The following SCAPER variants were observed in gnomAD, a reference collection of about 807,000 sequenced individuals.
SCAPER encodes S-phase cyclin A associated protein in the ER, also known as S phase cyclin A-associated protein in the endoplasmic reticulum.
In SCAPER, 98 loss-of-function variants were observed where a neutral mutation model predicts 182.2. The ratio of observed to expected loss-of-function variants is 0.54; its 90% CI spans 0.46 to 0.64. The LOEUF is 0.64. SCAPER is among the 30% of genes least tolerant of loss of function. The pLI is 0.00. For missense variants in SCAPER, 1,432 were observed against 1,690.0 expected, an observed-to-expected ratio of 0.85 and a Z score of 2.68; for synonymous variants, 605 against 564.6, an observed-to-expected ratio of 1.07 and a Z score of -1.01.
Position 76,764,837 on chromosome 15 carries a change from T to G in SCAPER, c.1725+124A>C, listed in dbSNP as rs187595136. The G allele has an allele frequency of 1.1e-4, 67 of 604,320 alleles. 1 individual carries two copies. The East Asian group carries it at 1.9e-3, about 17-fold the overall frequency. The allele number at this position is 604,320 out of a possible 1,614,324, so 37.4% of individuals were successfully genotyped here. On this transcript the variant is annotated intron_variant, in intron 14 of 31. Coordinates refer to ENST00000563290, the MANE Select transcript of SCAPER (RefSeq NM_020843.4). ...TCTTGGATTCAATAGATTAAAATGC[T>G]TTTATTTCCTAGCAAATCTAATTAT...
intron 1 of SCAPER, among the ~76,000 whole-genome samples, chr15:76,886,339 G>A (rs984750019): frequency 6.6e-6 from 1 of 152,110 alleles, no homozygotes; most frequent in African/African-American, 2.4e-5. Context: ...AATTAGCTGG[G>A]TGTGGTGGTG....
At chr15:76,554,788 CT>C (rs71143339) in intron 23 of SCAPER, among the ~76,000 whole-genome samples, 1,354 of 71,084 alleles carry the variant, frequency 0.019, 14 homozygotes, top group African/African-American at 0.038. Flanking sequence ...ATTCAGCATT[CT>C]TTTTTTTTTT....
intron 2 of SCAPER, among the ~76,000 whole-genome samples, chr15:76,874,533 T>C (rs1433314600): frequency 6.6e-6 from 1 of 151,292 alleles, no homozygotes; most frequent in Non-Finnish European, 1.5e-5. Flanking sequence ...GAAATGTATA[T>C]ATTCCTTGGC....
intron 8 of SCAPER, among the ~76,000 whole-genome samples, chr15:76,784,589 G>A (rs548826791): frequency 3.3e-5 from 5 of 152,246 alleles, no homozygotes; most frequent in Middle Eastern, 3.4e-3. Context: ...ACAATCCTAC[G>A]CAAAAAGAAC....
chr15:76,895,108 G>T (rs1250615076), intron 1 of SCAPER, among the ~76,000 whole-genome samples: 1 of 152,156 alleles, frequency 6.6e-6, no homozygotes. Context: ...TATCCCTGAT[G>T]AATATAGATT....
intron 4 of SCAPER, among the ~76,000 whole-genome samples, chr15:76,856,073 T>C (rs1599129068): frequency 6.6e-6 from 1 of 152,164 alleles, no homozygotes; most frequent in South Asian, 2.1e-4. Flanking sequence ...ATATATATGA[T>C]GGAATACTAT....
In SCAPER at chr15:76,883,879, A is replaced by G. The variant is rs2073708550; in HGVS notation, c.-59-3T>C. Reference sequence around the variant, plus strand: ...CATAAACCCATGGAGTATGACTCCTACAATAAAAAATATATATACGCTTAG... The same window carrying G: ...CATAAACCCATGGAGTATGACTCCTGCAATAAAAAATATATATACGCTTAG... On this transcript the variant is annotated splice_region_variant and splice_polypyrimidine_tract_variant and intron_variant, in intron 1 of 31. Coordinates refer to ENST00000563290, the MANE Select transcript of SCAPER (RefSeq NM_020843.4). The G allele has an allele frequency of 8.0e-7, 1 of 1,249,758 alleles. No homozygotes were observed. The highest frequency in any genetic ancestry group is 1.1e-6 in the Non-Finnish European group (1 of 898,320). The allele number at this position is 1,249,758 out of a possible 1,614,324, so 77.4% of individuals were successfully genotyped here. A position where few individuals can be genotyped will look rare whatever the true frequency, so the allele number is the denominator to read the frequency against.
intron 26 of SCAPER, among the ~76,000 whole-genome samples, chr15:76,433,299 A>C (rs2046983625): frequency 6.6e-6 from 1 of 152,142 alleles, no homozygotes; most frequent in Non-Finnish European, 1.5e-5. Flanking sequence ...TTTGTGGTCA[A>C]GAGTTTGAGA....
At chr15:76,516,809 A>T (rs768452702) in intron 23 of SCAPER, among the ~76,000 whole-genome samples, 4 of 152,154 alleles carry the variant, frequency 2.6e-5, no homozygotes, top group Non-Finnish European at 5.9e-5. Context: ...GAGTCAAAAC[A>T]AACTTAAGGA....
intron 27 of SCAPER, among the ~76,000 whole-genome samples, chr15:76,386,731 T>C (rs2043317319): frequency 6.6e-6 from 1 of 152,114 alleles, no homozygotes; most frequent in Non-Finnish European, 1.5e-5. Flanking sequence ...GGAGCGTGCA[T>C]GACAAGTTCA....
intron 1 of SCAPER, among the ~76,000 whole-genome samples, chr15:76,895,927 C>A (rs1595945152): frequency 6.6e-6 from 1 of 151,484 alleles, no homozygotes; most frequent in South Asian, 2.1e-4. Flanking sequence ...GTAGTCCCAG[C>A]TACTTGGGAA....
At chr15:76,569,526 A>C (rs1343362080) in intron 23 of SCAPER, among the ~76,000 whole-genome samples, 3 of 152,088 alleles carry the variant, frequency 2.0e-5, no homozygotes, top group Non-Finnish European at 4.4e-5. Flanking sequence ...GACGTTTGTG[A>C]ACATGGATTT....
chr15:76,555,426 G>C (rs989864744), intron 23 of SCAPER, among the ~76,000 whole-genome samples: 1 of 152,140 alleles, frequency 6.6e-6, no homozygotes, highest in Non-Finnish European at 1.5e-5. Context: ...CCAATTAAAA[G>C]GCATAGAGTG....
intron 8 of SCAPER, among the ~76,000 whole-genome samples, chr15:76,776,077 T>C (rs1345788268): frequency 1.3e-5 from 2 of 152,162 alleles, no homozygotes; most frequent in Non-Finnish European, 2.9e-5. Flanking sequence ...AGAGATAGAC[T>C]ACAGTAGACT....
intron 26 of SCAPER, among the ~76,000 whole-genome samples, chr15:76,424,114 G>T (rs1014337677): frequency 7.2e-5 from 11 of 152,218 alleles, no homozygotes; most frequent in Non-Finnish European, 1.3e-4. Context: ...GGGGTGGAGA[G>T]TTCTGTAGAT....
Position 76,401,885 on chromosome 15 carries a change from G to T in SCAPER, c.3467+2639C>A, listed in dbSNP as rs574661425. 2.6e-5 allele frequency among the ~76,000 whole-genome samples: 4 copies of T among 152,292 alleles called. No individual in the cohort carries two copies. In the South Asian group the frequency reaches 8.3e-4, roughly 32 times the overall value. ...ACGGGCCAGGCGCGCCCAGCACTTT[G>T]GGAGGCTGAGGTGAGTGGAGCACTT... On this transcript the variant is annotated intron_variant, in intron 27 of 31. Coordinates refer to ENST00000563290, the MANE Select transcript of SCAPER (RefSeq NM_020843.4).
rs558511950 is a variant in SCAPER at position 76,503,561 on chromosome 15, A to C, written c.2954+1298T>G. Among the ~76,000 whole-genome samples, 6 of 152,354 alleles carry C rather than the reference A, an allele frequency of 3.9e-5. 1 individual carries two copies. Among genetic ancestry groups the C allele is most frequent in the African/African-American group, 1.4e-4 (6 of 41,572 alleles). On this transcript the variant is annotated intron_variant, in intron 24 of 31. Transcript: ENST00000563290. Reference sequence around the variant, plus strand: ...ATTTATAATGTAACTTTACATTATAATATACAAATATACACTATAATGAAC... The same window carrying C: ...ATTTATAATGTAACTTTACATTATACTATACAAATATACACTATAATGAAC...
At chr15:76,509,525 T>G (rs1597105402) in intron 23 of SCAPER, among the ~76,000 whole-genome samples, 1 of 152,290 alleles carries the variant, frequency 6.6e-6, no homozygotes, top group Admixed American at 6.5e-5. Context: ...TTTTTAAAAT[T>G]TTTACTCCAT....
At chr15:76,573,251 A>C (rs1032202925) in intron 23 of SCAPER, among the ~76,000 whole-genome samples, 1 of 152,210 alleles carries the variant, frequency 6.6e-6, no homozygotes, top group Non-Finnish European at 1.5e-5. Flanking sequence ...ATGTGGTAAG[A>C]AAGGATCATA....
Sources: gnomAD v4.1 joint callset for allele counts (sites outside exome capture counted in the v4.1 genomes callset) on GRCh38, gnomAD v4.1.1 for gene constraint, MANE v1.5 for transcripts, NCBI Gene and HGNC (gene_info 2026-07-23, HGNC 2026-07-21) for gene names.